Variants in YEATS2 observed in about 807,000 individuals in gnomAD.
YEATS2 encodes YEATS domain containing 2.
YEATS2 carries 77 observed loss-of-function variants against 163.2 expected under a neutral mutation model. The observed-to-expected ratio is 0.47, with a 90% CI of 0.39 to 0.57. The LOEUF (loss-of-function observed/expected upper bound fraction) is 0.57, where lower values mean the gene tolerates loss of function less well. Ranked by LOEUF, YEATS2 falls within the 20% of genes least tolerant of loss-of-function variation. The pLI is 0.00. For synonymous variants in YEATS2, 631 were observed against 645.1 expected, an observed-to-expected ratio of 0.98 and a Z score of 0.33; for missense variants, 1,549 against 1,729.8, an observed-to-expected ratio of 0.90 and a Z score of 1.85.
chr3:183,766,850 T>C (rs1011850064), intron 15 of YEATS2, among the ~76,000 whole-genome samples: 1 of 152,192 alleles, frequency 6.6e-6, no homozygotes, highest in Non-Finnish European at 1.5e-5. Flanking sequence ...TTGTTTTCTG[T>C]ATTTTGTAGA....
intron 7 of YEATS2, among the ~76,000 whole-genome samples, chr3:183,733,509 A>G (rs560026473): frequency 3.9e-5 from 6 of 152,336 alleles, no homozygotes; most frequent in Admixed American, 1.3e-4. Flanking sequence ...GGTGTAACCA[A>G]TATAAAGTAG....
intron 21 of YEATS2, chr3:183,793,205 A>G: frequency 1.6e-6 from 2 of 1,269,772 alleles, no homozygotes; most frequent in Non-Finnish European, 2.0e-6. Context: ...CATGCAGACA[A>G]CACCCCTTAC....
chr3:183,740,891 T>C (rs1718882656), intron 8 of YEATS2, among the ~76,000 whole-genome samples: 1 of 152,202 alleles, frequency 6.6e-6, no homozygotes, highest in Non-Finnish European at 1.5e-5. Flanking sequence ...ATGCCTGGCT[T>C]CAGAACATAG....
At chr3:183,754,451 T>C (rs1720509672) in intron 11 of YEATS2, 86 bp downstream of exon 11, 1 of 1,500,184 alleles carries the variant, frequency 6.7e-7, no homozygotes, top group Non-Finnish European at 8.9e-7. Context: ...CTTGGCTTTT[T>C]TTCTCTTAAG....
rs71298586 is a variant in YEATS2, at chr3:183,780,000, CTT to C, written c.2736+2318_2736+2319del. ...CGTGAGCCACCGCACCTGGCCTTTA[CTT>C]TTTTTTTTTTTTTTTTTAATTTTTT... On this transcript the variant is annotated intron_variant, in intron 19 of 30. Coordinates refer to ENST00000305135, the MANE Select transcript of YEATS2 (RefSeq NM_018023.5). Among the ~76,000 whole-genome samples the C allele has an allele frequency of 2.7e-4, 37 of 134,776 alleles. 1 individual carries two copies. Among genetic ancestry groups the C allele is most frequent in the Admixed American group, 6.8e-4 (9 of 13,320 alleles). The allele number at this position is 134,776 out of a possible 152,430, so 88.4% of individuals were successfully genotyped here. A position where few individuals can be genotyped will look rare whatever the true frequency, so the allele number is the denominator to read the frequency against.
chr3:183,801,440 T>C lies in YEATS2; in HGVS notation c.3429-15T>C, dbSNP rs935440997. The C allele has an allele frequency of 1.3e-6, 2 of 1,590,942 alleles. No individual in the cohort carries two copies. The highest frequency in any genetic ancestry group is 1.7e-6 in the Non-Finnish European group (2 of 1,169,110). The stretch of plus-strand genomic sequence containing the variant: ...TATTTAATTTATTGCCTTAATTTTT[T>C]TTTATCTCTCTCAGGATAGACCATT... On this transcript the variant is annotated splice_polypyrimidine_tract_variant and intron_variant, in intron 24 of 30. Transcript: ENST00000305135.
At chr3:183,788,656 A>G (rs263019) in intron 20 of YEATS2, among the ~76,000 whole-genome samples, 8,631 of 152,276 alleles carry the variant, frequency 0.057, 325 homozygotes, top group Middle Eastern at 0.088. Context: ...TGTTTTGGGT[A>G]TATACCTAGC....
chr3:183,753,458 C>T (rs1205723904), intron 10 of YEATS2, among the ~76,000 whole-genome samples: 2 of 151,958 alleles, frequency 1.3e-5, no homozygotes, highest in Admixed American at 6.6e-5. Flanking sequence ...TAATAAGATA[C>T]AAGAGGGGCC....
At chr3:183,807,455 CTT>C in intron 28 of YEATS2, 1 of 294,618 alleles carries the variant, frequency 3.4e-6, no homozygotes, top group Non-Finnish European at 6.6e-6. Flanking sequence ...ACGTCGTACT[CTT>C]TCTGAGTTGC....
At position 183,724,868 on chromosome 3, in the gene YEATS2, C is replaced by T. The variant is rs752732088; in HGVS notation, c.650+337C>T. Among the ~76,000 whole-genome samples the T allele has an allele frequency of 9.9e-5, 15 of 152,170 alleles. No individual in the cohort carries two copies. The Middle Eastern group carries it at 0.01, about 104-fold the overall frequency. On this transcript the variant is annotated intron_variant, in intron 6 of 30. Transcript: ENST00000305135. Reference sequence around the variant, plus strand: ...AAGCGATTCTCCTGCCTTAGCCTACCGAGTAGCTGGGATTGCAGGCATATG... The same window carrying T: ...AAGCGATTCTCCTGCCTTAGCCTACTGAGTAGCTGGGATTGCAGGCATATG...
rs903296678 is a variant in YEATS2, at chr3:183,721,755, A to G, written c.292-136A>G. On this transcript the variant is annotated intron_variant, in intron 4 of 30. Coordinates refer to ENST00000305135, the MANE Select transcript of YEATS2 (RefSeq NM_018023.5). Reference sequence around the variant, plus strand: ...GGCTGTGCTAAGGGGTTGGGATATCATTTTATGGATGTGGGGAGATTTTGA... The same window carrying G: ...GGCTGTGCTAAGGGGTTGGGATATCGTTTTATGGATGTGGGGAGATTTTGA... The G allele has an allele frequency of 2.7e-5, 32 of 1,173,834 alleles. No homozygotes were observed. The South Asian group carries it at 4.8e-4, about 18-fold the overall frequency. The allele number at this position is 1,173,834 out of a possible 1,614,324, so 72.7% of individuals were successfully genotyped here. A position where few individuals can be genotyped will look rare whatever the true frequency, so the allele number is the denominator to read the frequency against.
At chr3:183,807,139 C>G (rs1726296631) in intron 28 of YEATS2, 47 bp downstream of exon 28, 4 of 1,545,482 alleles carry the variant, frequency 2.6e-6, no homozygotes, top group Non-Finnish European at 3.5e-6. Flanking sequence ...CAGCTCAGAG[C>G]TAGATGTTCA....
chr3:183,715,914 G>C (rs1244570090), intron 2 of YEATS2, among the ~76,000 whole-genome samples: 1 of 152,148 alleles, frequency 6.6e-6, no homozygotes, highest in African/African-American at 2.4e-5. Flanking sequence ...TTGTTCCTCA[G>C]AATGTCTTAA....
chr3:183,702,276 C>A (rs1714177157), intron 1 of YEATS2, among the ~76,000 whole-genome samples: 1 of 151,792 alleles, frequency 6.6e-6, no homozygotes, highest in Admixed American at 6.6e-5. Context: ...GAAACCCTGT[C>A]TCTACTAAAA....
rs187252916 is a variant in YEATS2, at chr3:183,703,436, G to A, written c.-20+5443G>A. ...GTCTCCTAGAGTTCCCTTGGTCTGA[G>A]TCTGTCCTTTAATAGAGGTTGGTGC... On this transcript the variant is annotated intron_variant, in intron 1 of 30. Transcript: ENST00000305135. Among the ~76,000 whole-genome samples, 86 of 152,270 alleles carry A rather than the reference G, an allele frequency of 5.6e-4. No individual in the cohort carries two copies. The East Asian group carries it at 9.5e-3, about 17-fold the overall frequency.
At chr3:183,792,448 T>G (rs1261006222) in intron 21 of YEATS2, among the ~76,000 whole-genome samples, 1 of 152,196 alleles carries the variant, frequency 6.6e-6, no homozygotes, top group African/African-American at 2.4e-5. Context: ...GGCTTCCAGC[T>G]TCATCCATGT....
At chr3:183,764,691 C>T (rs1388207419) in intron 15 of YEATS2, among the ~76,000 whole-genome samples, 1 of 152,084 alleles carries the variant, frequency 6.6e-6, no homozygotes, top group African/African-American at 2.4e-5. Context: ...CCTGTAATCC[C>T]AGCTACTCGG....
intron 19 of YEATS2, among the ~76,000 whole-genome samples, chr3:183,780,394 C>A (rs1723453401): frequency 1.3e-5 from 2 of 152,236 alleles, no homozygotes; most frequent in South Asian, 4.1e-4. Flanking sequence ...TTCCACGCTT[C>A]TGTGGCAGAT....
intron 9 of YEATS2, among the ~76,000 whole-genome samples, chr3:183,748,039 G>GTT (rs961167954): frequency 1.0e-4 from 15 of 147,066 alleles, no homozygotes; most frequent in African/African-American, 3.7e-4. Flanking sequence ...ATTAGTGTTA[G>GTT]TTTTTTTTTT....
Sources: allele counts gnomAD v4.1 joint callset (sites outside exome capture counted in the v4.1 genomes callset), GRCh38; gene constraint gnomAD v4.1.1; transcripts MANE v1.5; gene names NCBI Gene and HGNC (gene_info 2026-07-23, HGNC 2026-07-21).